The following NCALD variants were observed in gnomAD, a reference collection of about 807,000 sequenced individuals.
The protein encoded by NCALD is neurocalcin delta, also known as neurocalcin-delta.
NCALD carries 10 observed loss-of-function variants against 18.6 expected under a neutral mutation model. That is an observed-to-expected ratio of 0.54 (90% CI 0.33 to 0.91). The LOEUF is 0.91. Among genes scored for constraint, NCALD ranks in the 40% least tolerant of loss-of-function variants. The pLI is 0.03. For missense variants in NCALD, 184 were observed against 247.6 expected, an observed-to-expected ratio of 0.74 and a Z score of 1.72; for synonymous variants, 88 against 87.4, an observed-to-expected ratio of 1.01 and a Z score of -0.04.
intron 1 of NCALD, among the ~76,000 whole-genome samples, chr8:101,760,204 GA>G (rs1811054837): frequency 6.6e-6 from 1 of 152,142 alleles, no homozygotes; most frequent in Admixed American, 6.6e-5. Flanking sequence ...AGAACACATA[GA>G]CTGAATTTTC....
At chr8:101,900,481 CATT>C (rs1271965508) in intron 3 of NCALD, among the ~76,000 whole-genome samples, 1 of 151,960 alleles carries the variant, frequency 6.6e-6, no homozygotes, top group Non-Finnish European at 1.5e-5. Flanking sequence ...CAAATGTAAG[CATT>C]ATATTAGTGC....
At chr8:101,861,035 C>T (rs1815520836) in intron 4 of NCALD, among the ~76,000 whole-genome samples, 1 of 152,014 alleles carries the variant, frequency 6.6e-6, no homozygotes, top group South Asian at 2.1e-4. Flanking sequence ...ACTCATCACT[C>T]CTCTAGAATT....
chr8:102,025,483 T>C (rs1315981324), intron 1 of NCALD, among the ~76,000 whole-genome samples: 1 of 152,210 alleles, frequency 6.6e-6, no homozygotes, highest in Admixed American at 6.5e-5. Flanking sequence ...GCACAGTGCC[T>C]AGTACTCAAT....
chr8:101,820,853 C>T (rs1024860298), intron 4 of NCALD, among the ~76,000 whole-genome samples: 1 of 152,194 alleles, frequency 6.6e-6, no homozygotes, highest in African/African-American at 2.4e-5. Context: ...CATTGGCAAC[C>T]ATCTTCTAGT....
At chr8:102,086,061 T>A (rs940177411) in intron 1 of NCALD, among the ~76,000 whole-genome samples, 5 of 152,182 alleles carry the variant, frequency 3.3e-5, no homozygotes, top group Admixed American at 6.5e-5. Context: ...GGGTACCATG[T>A]TTAAAACATG....
chr8:101,960,383 C>T (rs1182553605), intron 2 of NCALD, among the ~76,000 whole-genome samples: 2 of 152,090 alleles, frequency 1.3e-5, no homozygotes, highest in Admixed American at 6.5e-5. Flanking sequence ...AAACACACTG[C>T]CCCCAACCCA....
chr8:101,998,837 A>G (rs189261746), intron 2 of NCALD, among the ~76,000 whole-genome samples: 177 of 152,288 alleles, frequency 1.2e-3, no homozygotes, highest in African/African-American at 4.0e-3. Flanking sequence ...TAAAATAAAG[A>G]TAAAGGTGTC....
At chr8:102,081,545 TAAAAAAAAAAAAAAAAAAAA>T (rs770307937) in intron 1 of NCALD, among the ~76,000 whole-genome samples, 2 of 68,704 alleles carry the variant, frequency 2.9e-5, no homozygotes, top group East Asian at 8.0e-4. Context: ...CAAATAATGG[TAAAAAAAAAAAAAAAAAAAA>T]AAAAAAAAAA....
intron 2 of NCALD, chr8:101,693,569 G>A (rs2129992316): frequency 6.6e-6 from 1 of 152,172 alleles, no homozygotes; most frequent in South Asian, 2.1e-4. Context: ...CTGAGAGTCT[G>A]TATTTTTAAT....
At chr8:101,732,017 C>T (rs935265383) in intron 1 of NCALD, among the ~76,000 whole-genome samples, 56 of 152,158 alleles carry the variant, frequency 3.7e-4, no homozygotes, top group Non-Finnish European at 2.4e-4. Flanking sequence ...AACAGAGCTG[C>T]CTGTTTTGGC....
At chr8:101,821,089 T>C (rs758860815) in intron 4 of NCALD, among the ~76,000 whole-genome samples, 4 of 152,196 alleles carry the variant, frequency 2.6e-5, no homozygotes, top group Non-Finnish European at 4.4e-5. Flanking sequence ...TCCTCCTTTA[T>C]CCAAAACTCA....
At chr8:102,123,471 A>T in intron 1 of NCALD, among the ~76,000 whole-genome samples, 1 of 151,528 alleles carries the variant, frequency 6.6e-6, no homozygotes, top group Middle Eastern at 3.4e-3. Context: ...AAAAAAAAAA[A>T]AAAAACTTGT....
chr8:101,785,393 A>T (rs1812184388), intron 1 of NCALD, among the ~76,000 whole-genome samples: 1 of 152,184 alleles, frequency 6.6e-6, no homozygotes. Flanking sequence ...TCCAAGAGGG[A>T]TGCCCTAATA....
At position 101,719,334 on chromosome 8, in the gene NCALD, T is replaced by C. The variant is rs1451722869; in HGVS notation, c.296A>G (p.Gln99Arg). ...CATGCTGAAGGCCCATTTCAGCTTC[T>C]GCTCCAGCTTCCCCCTCGAAGTTAC... is the stretch of plus-strand genomic sequence containing the variant. ...LSVTSRGKLE[Q>R]KLKWAFSMYD... The change falls in exon 2 of 4, where the codon CAG becomes CGG. Residue 99 changes from glutamine to arginine, a missense_variant. By Grantham distance (43) the Gln-to-Arg change is conservative. Transcript: ENST00000220931. 4 of 1,614,230 alleles carry C rather than the reference T, an allele frequency of 2.5e-6. No homozygotes were observed. Among genetic ancestry groups the C allele is most frequent in the African/African-American group, 2.7e-5 (2 of 75,054 alleles).
intron 4 of NCALD, among the ~76,000 whole-genome samples, chr8:101,821,941 T>C (rs1012546961): frequency 1.3e-5 from 2 of 148,956 alleles, no homozygotes; most frequent in Admixed American, 1.3e-4. Flanking sequence ...GGCCCCCACA[T>C]GCTGGCTGGA....
intron 4 of NCALD, among the ~76,000 whole-genome samples, chr8:101,876,488 T>C (rs1816232498): frequency 1.3e-5 from 2 of 152,220 alleles, no homozygotes; most frequent in Admixed American, 6.5e-5. Flanking sequence ...AGAAGACTTA[T>C]ATAGACCATG....
intron 1 of NCALD, among the ~76,000 whole-genome samples, chr8:102,030,371 G>C (rs953883527): frequency 2.0e-5 from 3 of 152,124 alleles, no homozygotes; most frequent in African/African-American, 7.2e-5. Flanking sequence ...ACTTTCAAAG[G>C]CTTCCACTGG....
chr8:102,001,054 G>C (rs1234757769), intron 2 of NCALD, among the ~76,000 whole-genome samples: 1 of 152,192 alleles, frequency 6.6e-6, no homozygotes, highest in African/African-American at 2.4e-5. Flanking sequence ...GAGAGAAGAA[G>C]GCTTCAGATG....
intron 2 of NCALD, among the ~76,000 whole-genome samples, chr8:101,926,689 C>T (rs1360514489): frequency 1.3e-5 from 2 of 152,176 alleles, no homozygotes; most frequent in Non-Finnish European, 2.9e-5. Context: ...CTCTTCTCCC[C>T]ACTTAGGCTC....
Sources: gnomAD v4.1 joint callset for allele counts (sites outside exome capture counted in the v4.1 genomes callset) on GRCh38, gnomAD v4.1.1 for gene constraint, MANE v1.5 for transcripts, NCBI Gene and HGNC (gene_info 2026-07-23, HGNC 2026-07-21) for gene names.